RBMS3: variants seen among roughly 807,000 people sequenced by gnomAD.
RBMS3 encodes RNA binding motif single stranded interacting protein 3.
RBMS3 carries 27 observed loss-of-function variants against 66.8 expected under a neutral mutation model. The observed-to-expected ratio is 0.40, with a 90% CI of 0.30 to 0.56. The LOEUF is 0.56. Ranked by LOEUF, RBMS3 falls within the 20% of genes least tolerant of loss-of-function variation. The pLI, the probability that RBMS3 is intolerant of heterozygous loss-of-function variation, is 0.40. For missense variants in RBMS3, 513 were observed against 549.5 expected, an observed-to-expected ratio of 0.93 and a Z score of 0.66; for synonymous variants, 188 against 183.0, an observed-to-expected ratio of 1.03 and a Z score of -0.22.
At chr3:29,938,006 T>C (rs1206656770) in intron 11 of RBMS3, among the ~76,000 whole-genome samples, 1 of 151,916 alleles carries the variant, frequency 6.6e-6, no homozygotes, top group East Asian at 1.9e-4. Flanking sequence ...ACAATTATAA[T>C]GCAAAACATA....
chr3:29,499,196 G>GT (rs1391578642), intron 3 of RBMS3, among the ~76,000 whole-genome samples: 2 of 152,112 alleles, frequency 1.3e-5, no homozygotes, highest in Non-Finnish European at 2.9e-5. Flanking sequence ...TGACTCCTTA[G>GT]TTTTTTAAAC....
chr3:29,920,819 C>CA (rs1362089202), intron 10 of RBMS3, among the ~76,000 whole-genome samples: 68 of 64,502 alleles, frequency 1.1e-3, no homozygotes, highest in Non-Finnish European at 1.6e-3. Flanking sequence ...ACTAAAAATA[C>CA]AAAAAATTAG....
chr3:29,358,756 C>T (rs2037383609), intron 1 of RBMS3, among the ~76,000 whole-genome samples: 1 of 152,070 alleles, frequency 6.6e-6, no homozygotes, highest in Non-Finnish European at 1.5e-5. Flanking sequence ...TGAAGAGGTC[C>T]TTCACATCCC....
chr3:29,948,460 G>C (rs1432633392), intron 12 of RBMS3, among the ~76,000 whole-genome samples: 2 of 151,770 alleles, frequency 1.3e-5, no homozygotes, highest in African/African-American at 4.8e-5. Flanking sequence ...GGGAAAGGCA[G>C]AGTATTTTAG....
rs560944581 is a variant in RBMS3, at chr3:29,868,540, T to C, written c.638-318T>C. On this transcript the variant is annotated intron_variant, in intron 6 of 14. Transcript: ENST00000383767. ...ATATTTATCCACATATAAATACCGA[T>C]TATGAACACGTTTCTGACATTACTG... Among the ~76,000 whole-genome samples, 112 of 152,288 alleles carry C rather than the reference T, an allele frequency of 7.4e-4. 1 individual carries two copies. The highest frequency in any genetic ancestry group is 3.2e-4 in the Non-Finnish European group (22 of 68,028).
intron 1 of RBMS3, among the ~76,000 whole-genome samples, chr3:29,392,014 T>G (rs1377776660): frequency 6.6e-6 from 1 of 151,096 alleles, no homozygotes; most frequent in Non-Finnish European, 1.5e-5. Flanking sequence ...CTTTGGGAGG[T>G]CGAGGAGGGT....
intron 5 of RBMS3, among the ~76,000 whole-genome samples, chr3:29,757,458 G>A (rs1013456584): frequency 6.6e-6 from 1 of 152,088 alleles, no homozygotes; most frequent in Non-Finnish European, 1.5e-5. Flanking sequence ...TGTAGACTGG[G>A]TTTGGCCCAT....
intron 6 of RBMS3, among the ~76,000 whole-genome samples, chr3:29,849,366 T>G (rs1426837503): frequency 6.6e-6 from 1 of 151,746 alleles, no homozygotes; most frequent in Non-Finnish European, 1.5e-5. Flanking sequence ...ATATAAAAAT[T>G]AACCGGGCAC....
intron 6 of RBMS3, among the ~76,000 whole-genome samples, chr3:29,777,575 CT>C (rs1384350166): frequency 6.6e-6 from 1 of 151,738 alleles, no homozygotes; most frequent in Non-Finnish European, 1.5e-5. Flanking sequence ...CCTCAAAAAC[CT>C]TCTTTCAAAT....
intron 6 of RBMS3, among the ~76,000 whole-genome samples, chr3:29,868,247 T>C (rs2059407559): frequency 6.6e-6 from 1 of 151,760 alleles, no homozygotes; most frequent in Admixed American, 6.5e-5. Context: ...ATCCTTTGGC[T>C]ATATTTTTAT....
intron 8 of RBMS3, among the ~76,000 whole-genome samples, chr3:29,894,092 G>T (rs2060065678): frequency 6.6e-6 from 1 of 151,462 alleles, no homozygotes; most frequent in African/African-American, 2.4e-5. Flanking sequence ...TGATTGATTT[G>T]GTGGCTTAAA....
At chr3:29,714,191 T>G (rs752164804) in intron 4 of RBMS3, among the ~76,000 whole-genome samples, 2 of 152,204 alleles carry the variant, frequency 1.3e-5, no homozygotes, top group Non-Finnish European at 2.9e-5. Flanking sequence ...CTAGGACCAA[T>G]GAGCAGTGGT....
At chr3:29,780,243 T>C (rs1379736643) in intron 6 of RBMS3, among the ~76,000 whole-genome samples, 1 of 151,904 alleles carries the variant, frequency 6.6e-6, no homozygotes, top group African/African-American at 2.4e-5. Context: ...GAATTGATTA[T>C]AACTAGATGG....
At chr3:29,408,582 G>C (rs1225833343) in intron 1 of RBMS3, among the ~76,000 whole-genome samples, 1 of 152,032 alleles carries the variant, frequency 6.6e-6, no homozygotes, top group Non-Finnish European at 1.5e-5. Flanking sequence ...TTTTAGGGGG[G>C]TTATATGTCA....
intron 1 of RBMS3, among the ~76,000 whole-genome samples, chr3:29,398,086 A>G (rs955090156): frequency 2.0e-5 from 3 of 152,160 alleles, no homozygotes; most frequent in Admixed American, 6.5e-5. Context: ...TAGAACCCAG[A>G]TTCCTTCTTT....
At chr3:29,870,889 T>C (rs1179546406) in intron 7 of RBMS3, among the ~76,000 whole-genome samples, 1 of 152,108 alleles carries the variant, frequency 6.6e-6, no homozygotes, top group African/African-American at 2.4e-5. Context: ...AGAGATAGCA[T>C]GCCCTAGAAA....
chr3:29,568,665 G>A (rs1435974323), intron 3 of RBMS3, among the ~76,000 whole-genome samples: 3 of 152,308 alleles, frequency 2.0e-5, no homozygotes, highest in East Asian at 3.9e-4. Flanking sequence ...GCTAGTATTT[G>A]AATCTAGACT....
At chr3:29,324,743 C>T (rs1328167229) in intron 1 of RBMS3, among the ~76,000 whole-genome samples, 1 of 151,302 alleles carries the variant, frequency 6.6e-6, no homozygotes, top group African/African-American at 2.5e-5. Context: ...TCTCCTAATT[C>T]TTTCCTTCTC....
chr3:29,943,327 A>G (rs866360055), intron 11 of RBMS3, among the ~76,000 whole-genome samples: 2 of 151,848 alleles, frequency 1.3e-5, no homozygotes, highest in African/African-American at 4.8e-5. Flanking sequence ...TTACCCCTCC[A>G]AGGGGAGTGG....
Sources: gnomAD v4.1 joint callset for allele counts (sites outside exome capture counted in the v4.1 genomes callset) on GRCh38, gnomAD v4.1.1 for gene constraint, MANE v1.5 for transcripts, NCBI Gene and HGNC (gene_info 2026-07-23, HGNC 2026-07-21) for gene names.